SH3GL2: variants seen among roughly 807,000 people sequenced by gnomAD.
SH3GL2 encodes SH3 domain containing GRB2 like 2, endophilin A1.
SH3GL2 carries 24 observed loss-of-function variants against 46.0 expected under a neutral mutation model. The observed-to-expected ratio is 0.52, with a 90% CI of 0.38 to 0.73. SH3GL2 has a LOEUF of 0.73. Ranked by LOEUF, SH3GL2 falls within the 30% of genes least tolerant of loss-of-function variation. The pLI is 0.00. For missense variants in SH3GL2, 413 were observed against 424.2 expected, an observed-to-expected ratio of 0.97 and a Z score of 0.23; for synonymous variants, 196 against 147.1, an observed-to-expected ratio of 1.33 and a Z score of -2.40.
Position 17,684,050 on chromosome 9 carries a change from A to G in SH3GL2, c.46-63016A>G, listed in dbSNP as rs540602774. On this transcript the variant is annotated intron_variant, in intron 1 of 8. Transcript: ENST00000380607. Reference sequence around the variant, plus strand: ...TGGCTTTTAACCAAAAATTACTGAGATGCACAAAAAGTGAGGTAAAACAAC... The same window carrying G: ...TGGCTTTTAACCAAAAATTACTGAGGTGCACAAAAAGTGAGGTAAAACAAC... 3.3e-5 allele frequency among the ~76,000 whole-genome samples: 5 copies of G among 152,240 alleles called. No homozygotes were observed. In the South Asian group the frequency reaches 8.3e-4, roughly 25 times the overall value.
chr9:17,760,501 T>C (rs1269687923), intron 2 of SH3GL2, among the ~76,000 whole-genome samples: 1 of 152,102 alleles, frequency 6.6e-6, no homozygotes, highest in East Asian at 1.9e-4. Flanking sequence ...TACTGGTATA[T>C]ATTATATACC....
chr9:17,792,503 A>AT (rs1563856845), intron 7 of SH3GL2, among the ~76,000 whole-genome samples: 1 of 152,162 alleles, frequency 6.6e-6, no homozygotes, highest in Non-Finnish European at 1.5e-5. Flanking sequence ...TTTGGAAAAT[A>AT]TTTAGGGGTA....
intron 3 of SH3GL2, among the ~76,000 whole-genome samples, chr9:17,777,603 TA>T (rs1297554222): frequency 2.0e-5 from 3 of 151,988 alleles, no homozygotes; most frequent in Non-Finnish European, 2.9e-5. Flanking sequence ...GACCATGTTT[TA>T]ATTTCTGATG....
At chr9:17,649,360 C>A (rs1819899809) in intron 1 of SH3GL2, among the ~76,000 whole-genome samples, 2 of 152,202 alleles carry the variant, frequency 1.3e-5, no homozygotes, top group Admixed American at 1.3e-4. Context: ...AGCCACCATA[C>A]CTGCCCTATC....
In SH3GL2 at chr9:17,796,101, A is replaced by G. The variant is rs546637174; in HGVS notation, c.*358A>G. On this transcript the variant is annotated 3_prime_UTR_variant, in exon 9 of 9. Transcript: ENST00000380607. ...GATATTGTCTATCACCCCAGGGGCC[A>G]TCTGAAGGTCTCTTTGCATTTCTCC... 2 of 198,556 alleles carry G rather than the reference A, an allele frequency of 1.0e-5. No individual in the cohort carries two copies. The highest frequency in any genetic ancestry group is 2.3e-4 in the East Asian group (2 of 8,550). 12.3% of individuals were successfully genotyped at this position (198,556 alleles called of 1,614,324 possible).
chr9:17,607,004 C>A (rs572016039), intron 1 of SH3GL2, among the ~76,000 whole-genome samples: 5 of 152,166 alleles, frequency 3.3e-5, no homozygotes, highest in Admixed American at 6.5e-5. Flanking sequence ...TAGCTGAAGC[C>A]CTTTTTTTCT....
chr9:17,640,064 T>C (rs768765957), intron 1 of SH3GL2, among the ~76,000 whole-genome samples: 11 of 152,146 alleles, frequency 7.2e-5, no homozygotes, highest in African/African-American at 2.2e-4. Context: ...GTGGGAGTTA[T>C]AAGGTTGTGT....
chr9:17,778,565 C>G (rs1459061099), intron 3 of SH3GL2, among the ~76,000 whole-genome samples: 2 of 152,044 alleles, frequency 1.3e-5, no homozygotes, highest in Admixed American at 6.6e-5. Flanking sequence ...GACGTGGGAA[C>G]ACATTAAAGT....
intron 1 of SH3GL2, among the ~76,000 whole-genome samples, chr9:17,726,687 G>T (rs1822028371): frequency 6.6e-6 from 1 of 152,168 alleles, no homozygotes; most frequent in Non-Finnish European, 1.5e-5. Flanking sequence ...AAAATAGGAA[G>T]CAGAGAGGAT....
intron 1 of SH3GL2, among the ~76,000 whole-genome samples, chr9:17,628,585 T>C (rs1819344802): frequency 6.6e-6 from 1 of 152,186 alleles, no homozygotes; most frequent in African/African-American, 2.4e-5. Flanking sequence ...GTTAACAGCA[T>C]ACATTTAGAG....
intron 1 of SH3GL2, among the ~76,000 whole-genome samples, chr9:17,638,543 G>A (rs955130120): frequency 2.0e-5 from 3 of 152,236 alleles, no homozygotes; most frequent in African/African-American, 7.2e-5. Flanking sequence ...ATTTTGGATA[G>A]AGTGGTGAGA....
At chr9:17,622,345 A>G (rs1819163040) in intron 1 of SH3GL2, among the ~76,000 whole-genome samples, 1 of 152,162 alleles carries the variant, frequency 6.6e-6, no homozygotes, top group African/African-American at 2.4e-5. Context: ...GATAGCTTCC[A>G]ATTTTTAGTC....
chr9:17,579,514 C>T (rs1361313359), intron 1 of SH3GL2, among the ~76,000 whole-genome samples: 1 of 152,132 alleles, frequency 6.6e-6, no homozygotes, highest in Admixed American at 6.5e-5. Context: ...TCCCGCGGGT[C>T]CCCGGCGTCC....
intron 1 of SH3GL2, among the ~76,000 whole-genome samples, chr9:17,630,032 TA>T (rs988453099): frequency 6.6e-6 from 1 of 152,156 alleles, no homozygotes; most frequent in Non-Finnish European, 1.5e-5. Flanking sequence ...GGGACAGACA[TA>T]AAAAGCCTCA....
intron 1 of SH3GL2, among the ~76,000 whole-genome samples, chr9:17,656,411 G>A (rs1820078344): frequency 6.6e-6 from 1 of 151,720 alleles, no homozygotes; most frequent in Non-Finnish European, 1.5e-5. Context: ...TTTTACTGGA[G>A]ACGAGAGTTC....
chr9:17,721,780 C>A (rs1203567618), intron 1 of SH3GL2, among the ~76,000 whole-genome samples: 1 of 152,056 alleles, frequency 6.6e-6, no homozygotes, highest in East Asian at 1.9e-4. Context: ...GAGAGGCCTT[C>A]CCAGCCTCCG....
intron 1 of SH3GL2, among the ~76,000 whole-genome samples, chr9:17,612,784 T>A (rs1588172843): frequency 6.6e-6 from 1 of 152,300 alleles, no homozygotes; most frequent in East Asian, 1.9e-4. Context: ...TGGAACGTTT[T>A]TACACCTGGA....
At chr9:17,599,291 A>T (rs1240889396) in intron 1 of SH3GL2, among the ~76,000 whole-genome samples, 1 of 152,202 alleles carries the variant, frequency 6.6e-6, no homozygotes, top group African/African-American at 2.4e-5. Flanking sequence ...TGCTACTTGT[A>T]AAAATGAAGA....
chr9:17,771,273 T>C (rs1823472500), intron 3 of SH3GL2, among the ~76,000 whole-genome samples: 1 of 152,098 alleles, frequency 6.6e-6, no homozygotes, highest in Non-Finnish European at 1.5e-5. Flanking sequence ...GGAGTATAGG[T>C]CAGTCCAGTT....
Sources: allele counts gnomAD v4.1 joint callset (sites outside exome capture counted in the v4.1 genomes callset), GRCh38; gene constraint gnomAD v4.1.1; transcripts MANE v1.5; gene names NCBI Gene and HGNC (gene_info 2026-07-23, HGNC 2026-07-21).